KLHL11: variants seen among roughly 807,000 people sequenced by gnomAD.
KLHL11 encodes kelch-like protein 11.
Under a neutral mutation model 56.1 loss-of-function variants are expected in KLHL11, and 26 were observed. The ratio of observed to expected loss-of-function variants is 0.46; its 90% CI spans 0.34 to 0.64. The LOEUF (loss-of-function observed/expected upper bound fraction) is 0.64. KLHL11 is among the 30% of genes least tolerant of loss of function. KLHL11 has a pLI of 0.01. For missense variants in KLHL11, 627 were observed against 919.4 expected (o/e 0.68, Z 4.11); for synonymous variants, 338 against 345.8 (o/e 0.98, Z 0.25).
intron 1 of KLHL11, among the ~76,000 whole-genome samples, chr17:41,862,872 A>T (rs182168591): frequency 2.0e-5 from 3 of 152,140 alleles, no homozygotes; most frequent in African/African-American, 4.8e-5. Flanking sequence ...CTTCCCAGGG[A>T]TCTCCTTAAC....
chr17:41,851,659 A>G lies in KLHL11; in HGVS notation c.*2081T>C, dbSNP rs958790519. On this transcript the variant is annotated 3_prime_UTR_variant, in exon 2 of 2. Transcript: ENST00000319121. ...GTGGTGGCTCACACCTAATCCTAGC[A>G]CCCTGGGAGGCTGATACGGGTGGAT... Among the ~76,000 whole-genome samples, 3 of 151,290 alleles carry G rather than the reference A, an allele frequency of 2.0e-5. No individual in the cohort carries two copies. Among genetic ancestry groups the G allele is most frequent in the African/African-American group, 7.3e-5 (3 of 41,110 alleles).
rs1483637688 is a variant in KLHL11, at chr17:41,851,334, T to C, written c.*2406A>G. On this transcript the variant is annotated 3_prime_UTR_variant, in exon 2 of 2. Coordinates refer to ENST00000319121, the MANE Select transcript of KLHL11 (RefSeq NM_018143.3). ...GAGTAAATTTGAGGGCTGGGCATGGTGGCTCATGCCTGTAATCCCAGCGCT... is the reference window on the plus strand; with the variant it reads ...GAGTAAATTTGAGGGCTGGGCATGGCGGCTCATGCCTGTAATCCCAGCGCT... 6.6e-6 allele frequency: 1 copy of C among 152,240 alleles called. No individual in the cohort carries two copies. The highest frequency in any genetic ancestry group is 1.5e-5 in the Non-Finnish European group (1 of 68,072). The allele number at this position is 152,240 out of a possible 1,614,324, so 9.4% of individuals were successfully genotyped here. A position where few individuals can be genotyped will look rare whatever the true frequency, so the allele number is the denominator to read the frequency against.
chr17:41,862,097 T>G (rs1215596097), intron 1 of KLHL11, among the ~76,000 whole-genome samples: 2 of 152,014 alleles, frequency 1.3e-5, no homozygotes, highest in Admixed American at 6.6e-5. Context: ...AGATTCTTTT[T>G]TTTTTTTGAG....
At chr17:41,856,663 C>T (rs931033557) in intron 1 of KLHL11, among the ~76,000 whole-genome samples, 8 of 151,252 alleles carry the variant, frequency 5.3e-5, no homozygotes, top group Admixed American at 1.3e-4. Context: ...AGCTGAGGGT[C>T]GCTTGAGCCA....
chr17:41,864,778 C>A, intron 1 of KLHL11, 48 bp downstream of exon 1: 1 of 1,476,192 alleles, frequency 6.8e-7, no homozygotes, highest in Non-Finnish European at 9.0e-7. Context: ...CGAGCATCTC[C>A]CCCTCTCCGC....
rs561182578 is a variant in KLHL11, at chr17:41,859,848, T to C, written c.546-4527A>G. The stretch of plus-strand genomic sequence containing the variant: ...TTTAATTTAAAAAAACCACAATCGT[T>C]TCAGACAAATTCATAAATCTGGCAG... On this transcript the variant is annotated intron_variant, in intron 1 of 1. Transcript: ENST00000319121. Among the ~76,000 whole-genome samples the C allele has an allele frequency of 4.6e-5, 7 of 152,260 alleles. No individual in the cohort carries two copies. In the South Asian group the frequency reaches 1.5e-3, roughly 32 times the overall value.
intron 1 of KLHL11, among the ~76,000 whole-genome samples, chr17:41,858,699 G>A (rs1249843487): frequency 6.6e-6 from 1 of 152,086 alleles, no homozygotes; most frequent in Admixed American, 6.6e-5. Context: ...CACCCAAAGT[G>A]CTGGGATTAC....
intron 1 of KLHL11, 55 bp from the exon 2 acceptor site, chr17:41,855,376 G>A: frequency 7.3e-7 from 1 of 1,372,536 alleles, no homozygotes; most frequent in Non-Finnish European, 9.9e-7. Context: ...TATTTTATGT[G>A]GTTACTTTTT....
chr17:41,853,750 A>G lies in KLHL11; in HGVS notation c.2117T>C (p.Ile706Thr). The change falls in exon 2 of 2, where the codon ATT (isoleucine) becomes ACT (threonine). Residue 706 changes from isoleucine to threonine, a missense_variant. Physicochemically the swap from Ile to Thr is moderately conservative, Grantham distance 89. Coordinates refer to ENST00000319121, the MANE Select transcript of KLHL11 (RefSeq NM_018143.3). ...CACGCTTGAGAGAACCTAGCATTCA[A>G]TCTGAGAGCTTGGCACTCGCCTCAT... Reference protein sequence around the residue: ...LNMRRVPSSQIEC With the variant: ...LNMRRVPSSQTEC 6.2e-7 allele frequency: 1 copy of G among 1,609,494 alleles called. No homozygotes were observed. Among genetic ancestry groups the G allele is most frequent in the Non-Finnish European group, 8.5e-7 (1 of 1,176,462 alleles).
Position 41,853,286 on chromosome 17 carries a change from C to G in KLHL11, c.*454G>C, listed in dbSNP as rs1555622138. Among the ~76,000 whole-genome samples, 1 of 152,198 alleles carries G rather than the reference C, an allele frequency of 6.6e-6. No individual in the cohort carries two copies. The highest frequency in any genetic ancestry group is 2.4e-5 in the African/African-American group (1 of 41,430). The stretch of plus-strand genomic sequence containing the variant: ...TTCAAATTTCAGTCTCACTATTGCA[C>G]ATGCCTCCTGCAGATGAGGGCTCAA... On this transcript the variant is annotated 3_prime_UTR_variant, in exon 2 of 2. Coordinates refer to ENST00000319121, the MANE Select transcript of KLHL11 (RefSeq NM_018143.3).
chr17:41,857,003 G>T (rs1046319958), intron 1 of KLHL11, among the ~76,000 whole-genome samples: 2 of 151,968 alleles, frequency 1.3e-5, no homozygotes, highest in Admixed American at 6.6e-5. Flanking sequence ...TTGGGTGACA[G>T]AGCGAGATTC....
Position 41,854,817 on chromosome 17 carries a change from T to C in KLHL11, c.1050A>G (p.Leu350=), listed in dbSNP as rs781806249. 9 of 1,614,068 alleles carry C rather than the reference T, an allele frequency of 5.6e-6. No individual in the cohort carries two copies. The highest frequency in any genetic ancestry group is 2.7e-5 in the African/African-American group (2 of 74,932). ...CCATGTTTTGCCCATAACGAGGCAA[T>C]AGTGACACATGAGAAGTGGGGTGCT... ...TCQHPTSHVS[L]LPRYGQNMDV... is the part of the protein sequence containing the mutation. The change falls in exon 2 of 2, where the codon CTA becomes CTG. Residue 350 remains leucine (L), a synonymous_variant. Coordinates refer to ENST00000319121, the MANE Select transcript of KLHL11 (RefSeq NM_018143.3). The surrounding 1 kb of genome is among the most constrained non-coding windows in gnomAD (Gnocchi z 4.9).
chr17:41,865,084 A>G lies in KLHL11; in HGVS notation c.287T>C (p.Ile96Thr), dbSNP rs781873828. ...TCCAGCCCCGCCGAAGCACAGGGTA[A>G]TGTCGCAGAAGAGGCCCTGGCGCCG... Reference protein sequence around the residue: ...EQRRQGLFCDITLCFGGAGGR... With the variant: ...EQRRQGLFCDTTLCFGGAGGR... The change falls in exon 1 of 2, where the codon ATT becomes ACT. Residue 96 changes from isoleucine to threonine, a missense_variant. By Grantham distance (89) the Ile-to-Thr change is moderately conservative. Transcript: ENST00000319121. The G allele has an allele frequency of 6.2e-7, 1 of 1,602,314 alleles. No individual in the cohort carries two copies. Among genetic ancestry groups the G allele is most frequent in the Non-Finnish European group, 8.5e-7 (1 of 1,173,228 alleles).
In KLHL11 at chr17:41,855,146, AT is replaced by A; in HGVS notation, c.720del (p.Glu240AspfsTer32). On this transcript the variant is annotated frameshift_variant, in exon 2 of 2. Transcript: ENST00000319121. LOFTEE classifies it high-confidence loss of function. ...RNFHKVIQDE[E>X]FYTLPFHLIR... ...ATGAGATGGAAAGGTAACGTATAAA[AT>A]TCTTCATCCTGAATCACTTTGTGGA... 6.2e-7 allele frequency: 1 copy of A among 1,614,116 alleles called. No individual in the cohort carries two copies. The highest frequency in any genetic ancestry group is 8.5e-7 in the Non-Finnish European group (1 of 1,179,978).
chr17:41,855,835 C>T (rs1241954413), intron 1 of KLHL11, among the ~76,000 whole-genome samples: 2 of 149,896 alleles, frequency 1.3e-5, no homozygotes. Context: ...CCACACCCAG[C>T]TAATTTTTGT....
chr17:41,865,281 G>T lies in KLHL11; in HGVS notation c.90C>A (p.Ala30=), dbSNP rs1555623444. 1.9e-6 allele frequency: 3 copies of T among 1,570,554 alleles called. No homozygotes were observed. Among genetic ancestry groups the T allele is most frequent in the East Asian group, 2.3e-5 (1 of 42,922 alleles). ...VLEMESMETA[A]AGSAGLAAEV... is the part of the protein sequence containing the mutation. Reference sequence around the variant, plus strand: ...CGGCGGCCAGTCCTGCCGAGCCGGCGGCGGCCGTCTCCATGCTCTCCATCT... The same window carrying T: ...CGGCGGCCAGTCCTGCCGAGCCGGCTGCGGCCGTCTCCATGCTCTCCATCT... The change falls in exon 1 of 2, where the codon GCC becomes GCA. Residue 30 remains alanine (A), a synonymous_variant. Coordinates refer to ENST00000319121, the MANE Select transcript of KLHL11 (RefSeq NM_018143.3).
rs11079018 is a variant in KLHL11 at position 41,849,398 on chromosome 17, A to G, written c.*4342T>C. The G allele has an allele frequency of 0.9, 137,423 of 152,198 alleles. 62,187 individuals carry two copies. The highest frequency in any genetic ancestry group is 1 in the East Asian group (5,181 of 5,182). The allele number at this position is 152,198 out of a possible 1,614,324, so 9.4% of individuals were successfully genotyped here. On this transcript the variant is annotated 3_prime_UTR_variant, in exon 2 of 2. Coordinates refer to ENST00000319121, the MANE Select transcript of KLHL11 (RefSeq NM_018143.3). Reference sequence around the variant, plus strand: ...AGTATAGTGTTGACTTTAGAATTACAAAGCAGAAAATGAAATATTTTAAAC... The same window carrying G: ...AGTATAGTGTTGACTTTAGAATTACGAAGCAGAAAATGAAATATTTTAAAC...
chr17:41,861,078 A>G (rs2048399649), intron 1 of KLHL11, among the ~76,000 whole-genome samples: 1 of 152,150 alleles, frequency 6.6e-6, no homozygotes, highest in South Asian at 2.1e-4. Flanking sequence ...ACTCACAGGA[A>G]AAACTAAGGA....
chr17:41,854,258 C>T lies in KLHL11; in HGVS notation c.1609G>A (p.Val537Met). Residue 537 changes from valine (V) to methionine (M), a missense_variant, in exon 2 of 2, where the codon GTG becomes ATG. Physicochemically the swap from Val to Met is conservative, Grantham distance 21. Coordinates refer to ENST00000319121, the MANE Select transcript of KLHL11 (RefSeq NM_018143.3). This position sits in a 1 kb window ranked among gnomAD's most constrained non-coding sequence, Gnocchi z 4.9. Reference sequence around the variant, plus strand: ...TTGTCAATAAGCGGCAAAGATTCCACATCTTGCCACTGTCGAGTCTCTGTA... The same window carrying T: ...TTGTCAATAAGCGGCAAAGATTCCATATCTTGCCACTGTCGAGTCTCTGTA... ...YDTETRQWQDVESLPLIDNYC... is the reference protein window; with the variant it reads ...YDTETRQWQDMESLPLIDNYC... 2 of 1,614,224 alleles carry T rather than the reference C, an allele frequency of 1.2e-6. No individual in the cohort carries two copies. The highest frequency in any genetic ancestry group is 1.7e-6 in the Non-Finnish European group (2 of 1,180,032).
Sources: allele counts gnomAD v4.1 joint callset (sites outside exome capture counted in the v4.1 genomes callset), GRCh38; gene constraint gnomAD v4.1.1; non-coding constraint Gnocchi (gnomAD v3.1); transcripts MANE v1.5; gene names NCBI Gene and HGNC (gene_info 2026-07-23, HGNC 2026-07-21).